TPD52L1: variants seen among roughly 807,000 people sequenced by gnomAD.
TPD52L1 encodes tumor protein D53.
A neutral mutation model predicts 28.7 loss-of-function variants in TPD52L1; 18 were observed. The observed-to-expected ratio is 0.63, with a 90% confidence interval of 0.43 to 0.93. TPD52L1 has a LOEUF of 0.93. Among genes scored for constraint, TPD52L1 ranks in the 40% least tolerant of loss-of-function variants. TPD52L1 has a pLI of 0.00. For missense variants in TPD52L1, 203 were observed against 254.8 expected (o/e 0.80, Z 1.39); for synonymous variants, 75 against 88.8 (o/e 0.84, Z 0.88).
At chr6:125,219,355 G>A (rs1795076328) in intron 1 of TPD52L1, among the ~76,000 whole-genome samples, 1 of 152,142 alleles carries the variant, frequency 6.6e-6, no homozygotes, top group African/African-American at 2.4e-5. Context: ...CAAGAACCCC[G>A]GCTCTTCCCA....
At chr6:125,249,521 A>AAT (rs1426517272) in intron 4 of TPD52L1, among the ~76,000 whole-genome samples, 143 of 151,040 alleles carry the variant, frequency 9.5e-4, no homozygotes, top group African/African-American at 3.0e-3. Context: ...TCCATTAAAA[A>AAT]ATATATATAT....
intron 1 of TPD52L1, among the ~76,000 whole-genome samples, chr6:125,158,683 T>G (rs1223999273): frequency 1.3e-5 from 2 of 152,170 alleles, no homozygotes; most frequent in Non-Finnish European, 2.9e-5. Flanking sequence ...ATAAAGGAAG[T>G]ATGGCATTTT....
chr6:125,184,010 C>T (rs1792409969), intron 1 of TPD52L1, among the ~76,000 whole-genome samples: 1 of 152,088 alleles, frequency 6.6e-6, no homozygotes, highest in African/African-American at 2.4e-5. Flanking sequence ...AATCAGGGTC[C>T]AGTTGCAGAG....
chr6:125,263,074 A>C lies in TPD52L1; in HGVS notation c.*112A>C. The C allele has an allele frequency of 7.5e-7, 1 of 1,332,050 alleles. No individual in the cohort carries two copies. The highest frequency in any genetic ancestry group is 9.9e-7 in the Non-Finnish European group (1 of 1,006,876). 82.5% of individuals were successfully genotyped at this position (1,332,050 alleles called of 1,614,324 possible). ...CCCGCTGGGAAAAACCCAGGCCTTG[A>C]CATTGTTATTCAAATGGCCCCTCCA... On this transcript the variant is annotated 3_prime_UTR_variant, in exon 7 of 7. Coordinates refer to ENST00000534000, the MANE Select transcript of TPD52L1 (RefSeq NM_003287.4).
Position 125,229,209 on chromosome 6 carries a change from T to C in TPD52L1, c.227T>C (p.Met76Thr), listed in dbSNP as rs1436999202. ...EIKQKLGMNL[M>T]NELKQNFSKS... ...AAACAAAAACTCGGCATGAACCTGA[T>C]GAATGAATTAAAACAGAACTTCAGC... The change falls in exon 3 of 7, where the codon ATG (methionine) becomes ACG (threonine). Residue 76 changes from methionine to threonine, a missense_variant. Transcript: ENST00000534000. 1 of 1,613,586 alleles carries C rather than the reference T, an allele frequency of 6.2e-7. No homozygotes were observed. Among genetic ancestry groups the C allele is most frequent in the Non-Finnish European group, 8.5e-7 (1 of 1,179,816 alleles).
At chr6:125,156,247 T>C (rs911674090) in intron 1 of TPD52L1, among the ~76,000 whole-genome samples, 2 of 152,022 alleles carry the variant, frequency 1.3e-5, no homozygotes, top group Non-Finnish European at 2.9e-5. Flanking sequence ...GAGGATCACT[T>C]AGAGCCCAGG....
At chr6:125,177,066 A>G (rs75167401) in intron 1 of TPD52L1, among the ~76,000 whole-genome samples, 2 of 152,064 alleles carry the variant, frequency 1.3e-5, no homozygotes, top group African/African-American at 2.4e-5. Context: ...GTAAAAATGA[A>G]AAAAGAATCT....
rs371270632 is a variant in TPD52L1, at chr6:125,262,899, T to C, written c.552T>C (p.His184=). Reference sequence around the variant, plus strand: ...AGGAGGTCCTCAGCTCCACGGCCCATGCCAGTGCCCAGAGCTTGGCAGGAG... The same window carrying C: ...AGGAGGTCCTCAGCTCCACGGCCCACGCCAGTGCCCAGAGCTTGGCAGGAG... ...SFEEVLSSTA[H]ASAQSLAGGS... is the part of the protein sequence containing the mutation. Residue 184 remains histidine, a synonymous_variant, in exon 7 of 7, where the codon CAT becomes CAC. Transcript: ENST00000534000. The C allele has an allele frequency of 2.5e-6, 4 of 1,614,112 alleles. No individual in the cohort carries two copies. Among genetic ancestry groups the C allele is most frequent in the Non-Finnish European group, 3.4e-6 (4 of 1,180,026 alleles).
chr6:125,198,873 C>A (rs1432025016), intron 1 of TPD52L1, among the ~76,000 whole-genome samples: 1 of 152,164 alleles, frequency 6.6e-6, no homozygotes, highest in Non-Finnish European at 1.5e-5. Context: ...GAGCATCCTG[C>A]AGTGAACACA....
intron 1 of TPD52L1, among the ~76,000 whole-genome samples, chr6:125,171,296 A>C (rs1187964747): frequency 6.6e-6 from 1 of 152,142 alleles, no homozygotes; most frequent in Non-Finnish European, 1.5e-5. Context: ...ACATGTGCAT[A>C]AGGCGCCTAT....
chr6:125,225,437 C>T (rs1795547702), intron 2 of TPD52L1, among the ~76,000 whole-genome samples: 1 of 152,132 alleles, frequency 6.6e-6, no homozygotes, highest in South Asian at 2.1e-4. Flanking sequence ...CGACTGTTTT[C>T]CACAGTGGCG....
chr6:125,248,133 C>T, intron 3 of TPD52L1, 149 bp from the exon 4 acceptor site: 1 of 658,074 alleles, frequency 1.5e-6, no homozygotes, highest in African/African-American at 1.8e-5. Flanking sequence ...CCCATCATCC[C>T]CAGACAATGA....
rs187895412 is a variant in TPD52L1 at position 125,156,712 on chromosome 6, T to C, written c.19+2742T>C. On this transcript the variant is annotated intron_variant, in intron 1 of 6. Coordinates refer to ENST00000534000, the MANE Select transcript of TPD52L1 (RefSeq NM_003287.4). The stretch of plus-strand genomic sequence containing the variant: ...TGAGCCCAGCAGGTGGAGGCAGCCG[T>C]GAGCTGTGATTACATCACTGCACCC... 2.5e-3 allele frequency among the ~76,000 whole-genome samples: 376 copies of C among 152,218 alleles called. 1 individual carries two copies. Among genetic ancestry groups the C allele is most frequent in the Non-Finnish European group, 4.3e-3 (294 of 68,020 alleles).
chr6:125,181,417 T>TGCTC (rs1477549877), intron 1 of TPD52L1, among the ~76,000 whole-genome samples: 2 of 152,112 alleles, frequency 1.3e-5, no homozygotes, highest in Non-Finnish European at 2.9e-5. Context: ...TGTCAAGAGG[T>TGCTC]GCTCGCTGTT....
At chr6:125,176,929 C>T (rs1412320470) in intron 1 of TPD52L1, among the ~76,000 whole-genome samples, 1 of 151,936 alleles carries the variant, frequency 6.6e-6, no homozygotes, top group Non-Finnish European at 1.5e-5. Context: ...TCCCAGCTGC[C>T]TGGGAGGCTG....
At position 125,191,145 on chromosome 6, in the gene TPD52L1, A is replaced by G. The variant is rs539222786; in HGVS notation, c.20-28933A>G. On this transcript the variant is annotated intron_variant, in intron 1 of 6. Coordinates refer to ENST00000534000, the MANE Select transcript of TPD52L1 (RefSeq NM_003287.4). The stretch of plus-strand genomic sequence containing the variant: ...TAACATTTCTCTCTTACATGGAATC[A>G]TTCCTTGCTGATCTTGGGTTTTCTT... Among the ~76,000 whole-genome samples the G allele has an allele frequency of 1.4e-4, 22 of 152,328 alleles. No homozygotes were observed. The South Asian group carries it at 4.6e-3, about 32-fold the overall frequency.
rs1311532457 is a variant in TPD52L1 at position 125,154,085 on chromosome 6, C to A, written c.19+115C>A. 9 of 1,452,156 alleles carry A rather than the reference C, an allele frequency of 6.2e-6. No individual in the cohort carries two copies. In the Admixed American group the frequency reaches 2.0e-4, roughly 33 times the overall value. The allele number at this position is 1,452,156 out of a possible 1,614,324, so 90.0% of individuals were successfully genotyped here. A position where few individuals can be genotyped will look rare whatever the true frequency, so the allele number is the denominator to read the frequency against. ...AACAGATTGGTGCCGTGTTGCACAT[C>A]CAGAACTCCACTCCCACCCGCGCCT... On this transcript the variant is annotated intron_variant, in intron 1 of 6. Transcript: ENST00000534000.
chr6:125,204,502 C>T (rs1165117618), intron 1 of TPD52L1, among the ~76,000 whole-genome samples: 1 of 151,424 alleles, frequency 6.6e-6, no homozygotes, highest in Non-Finnish European at 1.5e-5. Context: ...TTTTTTTCGA[C>T]GGAGTCTCAC....
chr6:125,248,787 T>C (rs941745303), intron 4 of TPD52L1, among the ~76,000 whole-genome samples: 3 of 152,184 alleles, frequency 2.0e-5, no homozygotes, highest in Admixed American at 2.0e-4. Context: ...ATCTAGTATA[T>C]TTTTTCTGTG....
Sources: allele counts gnomAD v4.1 joint callset (sites outside exome capture counted in the v4.1 genomes callset), GRCh38; gene constraint gnomAD v4.1.1; transcripts MANE v1.5; gene names NCBI Gene and HGNC (gene_info 2026-07-23, HGNC 2026-07-21).